CAMKMT: variants seen among roughly 807,000 people sequenced by gnomAD.
CAMKMT encodes the protein calmodulin-lysine N-methyltransferase.
A neutral mutation model predicts 48.0 loss-of-function variants in CAMKMT; 53 were observed. The observed-to-expected ratio is 1.10, with a 90% CI of 0.89 to 1.39. CAMKMT has a LOEUF of 1.39. CAMKMT is among the 40% of genes most tolerant of loss of function. CAMKMT has a pLI of 0.00. For synonymous variants in CAMKMT, 165 were observed against 152.3 expected, an observed-to-expected ratio of 1.08 and a Z score of -0.61; for missense variants, 428 against 402.7, an observed-to-expected ratio of 1.06 and a Z score of -0.54.
chr2:44,673,528 A>G (rs897139414), intron 3 of CAMKMT, among the ~76,000 whole-genome samples: 3 of 149,230 alleles, frequency 2.0e-5, no homozygotes, highest in African/African-American at 7.4e-5. Flanking sequence ...GAAGGAGGGA[A>G]GGAAGAAATC....
intron 3 of CAMKMT, among the ~76,000 whole-genome samples, chr2:44,516,727 A>T (rs1017856258): frequency 6.7e-6 from 1 of 150,086 alleles, no homozygotes; most frequent in Non-Finnish European, 1.5e-5. Flanking sequence ...CTAATTAAGG[A>T]TGTTTCTTGA....
At chr2:44,433,053 C>T (rs1684744845) in intron 3 of CAMKMT, among the ~76,000 whole-genome samples, 1 of 152,056 alleles carries the variant, frequency 6.6e-6, no homozygotes, top group Non-Finnish European at 1.5e-5. Context: ...AAATGTTGTC[C>T]TTTTGGCAGA....
At chr2:44,682,834 A>G (rs1676099435) in intron 3 of CAMKMT, among the ~76,000 whole-genome samples, 2 of 152,236 alleles carry the variant, frequency 1.3e-5, no homozygotes, top group Non-Finnish European at 1.5e-5. Context: ...AGACACAACA[A>G]TGTAAAATAA....
At chr2:44,588,083 C>T (rs1447135600) in intron 3 of CAMKMT, among the ~76,000 whole-genome samples, 1 of 137,514 alleles carries the variant, frequency 7.3e-6, no homozygotes, top group African/African-American at 2.7e-5. Context: ...AGCGCCTCTG[C>T]CCCGCCGCCC....
chr2:44,496,929 G>A (rs978492147), intron 3 of CAMKMT, among the ~76,000 whole-genome samples: 1 of 152,152 alleles, frequency 6.6e-6, no homozygotes, highest in Non-Finnish European at 1.5e-5. Context: ...TGCATTTTTA[G>A]TGTAACAGTG....
chr2:44,506,812 G>A (rs1251770799), intron 3 of CAMKMT, among the ~76,000 whole-genome samples: 1 of 151,906 alleles, frequency 6.6e-6, no homozygotes, highest in Non-Finnish European at 1.5e-5. Flanking sequence ...CTTGCTTTTT[G>A]TCATATTTCA....
chr2:44,487,522 G>A (rs1669271745), intron 3 of CAMKMT, among the ~76,000 whole-genome samples: 1 of 152,066 alleles, frequency 6.6e-6, no homozygotes, highest in African/African-American at 2.4e-5. Context: ...ATAAAGTTTT[G>A]ACATTGGATT....
intron 3 of CAMKMT, among the ~76,000 whole-genome samples, chr2:44,642,597 A>G (rs1468131873): frequency 6.6e-6 from 1 of 151,988 alleles, no homozygotes; most frequent in Non-Finnish European, 1.5e-5. Flanking sequence ...TATGTGTGTG[A>G]CTTTATGAGA....
At chr2:44,575,855 T>C (rs1057343384) in intron 3 of CAMKMT, among the ~76,000 whole-genome samples, 2 of 151,846 alleles carry the variant, frequency 1.3e-5, no homozygotes, top group African/African-American at 4.8e-5. Context: ...AGACCCTGTC[T>C]CAAAAAAATT....
intron 3 of CAMKMT, among the ~76,000 whole-genome samples, chr2:44,425,671 G>C (rs940246243): frequency 2.0e-5 from 3 of 151,744 alleles, no homozygotes; most frequent in Admixed American, 2.0e-4. Flanking sequence ...GTATGTATAA[G>C]GTAGAGAGTA....
intron 3 of CAMKMT, among the ~76,000 whole-genome samples, chr2:44,433,530 T>C (rs1408161099): frequency 6.6e-6 from 1 of 152,188 alleles, no homozygotes; most frequent in Non-Finnish European, 1.5e-5. Context: ...TCTGACATTA[T>C]GAGAATTTGT....
chr2:44,495,071 T>C (rs1270403062), intron 3 of CAMKMT, among the ~76,000 whole-genome samples: 2 of 152,180 alleles, frequency 1.3e-5, no homozygotes, highest in African/African-American at 4.8e-5. Flanking sequence ...AAATAAGCAG[T>C]ATATTTAGGT....
At chr2:44,720,581 T>C (rs1678413356) in intron 7 of CAMKMT, among the ~76,000 whole-genome samples, 1 of 152,198 alleles carries the variant, frequency 6.6e-6, no homozygotes, top group African/African-American at 2.4e-5. Flanking sequence ...TGTTAAACAA[T>C]CATTTATTTT....
chr2:44,413,898 C>T (rs1468496993), intron 3 of CAMKMT, among the ~76,000 whole-genome samples: 1 of 152,166 alleles, frequency 6.6e-6, no homozygotes, highest in African/African-American at 2.4e-5. Flanking sequence ...AAATTTTAGA[C>T]CTCATTCAAT....
intron 9 of CAMKMT, among the ~76,000 whole-genome samples, chr2:44,761,880 G>GGATTA (rs761129427): frequency 9.9e-5 from 15 of 152,182 alleles, no homozygotes; most frequent in Non-Finnish European, 1.9e-4. Context: ...TGGACAAAAT[G>GGATTA]GATTAAAGGT....
intron 3 of CAMKMT, among the ~76,000 whole-genome samples, chr2:44,581,898 C>G (rs959572247): frequency 3.3e-5 from 5 of 152,202 alleles, no homozygotes; most frequent in African/African-American, 1.2e-4. Context: ...ATTTGGGAGG[C>G]TGAGGCAGAT....
chr2:44,425,762 C>T (rs1684236405), intron 3 of CAMKMT, among the ~76,000 whole-genome samples: 1 of 150,476 alleles, frequency 6.6e-6, no homozygotes, highest in Non-Finnish European at 1.5e-5. Flanking sequence ...CAGAGTTTCA[C>T]TCTTGTTGCC....
At chr2:44,440,449 G>C (rs1462487320) in intron 3 of CAMKMT, among the ~76,000 whole-genome samples, 1 of 152,032 alleles carries the variant, frequency 6.6e-6, no homozygotes, top group Non-Finnish European at 1.5e-5. Context: ...CTACCTCATA[G>C]CATGTGCTCT....
intron 3 of CAMKMT, among the ~76,000 whole-genome samples, chr2:44,487,840 G>A (rs550800849): frequency 6.6e-6 from 1 of 152,244 alleles, no homozygotes; most frequent in African/African-American, 2.4e-5. Context: ...CTTTTCCAAA[G>A]ACTTGACACC....
Sources: gnomAD v4.1 joint callset for allele counts (sites outside exome capture counted in the v4.1 genomes callset) on GRCh38, gnomAD v4.1.1 for gene constraint, MANE v1.5 for transcripts, NCBI Gene and HGNC (gene_info 2026-07-23, HGNC 2026-07-21) for gene names.